NTM: variants seen among roughly 807,000 people sequenced by gnomAD.
NTM encodes the protein IgLON family member 2.
A neutral mutation model predicts 42.1 loss-of-function variants in NTM; 13 were observed. The ratio of observed to expected loss-of-function variants is 0.31; its 90% CI spans 0.20 to 0.49. The LOEUF (loss-of-function observed/expected upper bound fraction) is 0.49, where lower values mean the gene tolerates loss of function less well. NTM is among the 20% of genes least tolerant of loss of function. NTM has a pLI of 0.99. For missense variants in NTM, 373 were observed against 452.8 expected (o/e 0.82, Z 1.60); for synonymous variants, 187 against 179.2 (o/e 1.04, Z -0.35).
intron 4 of NTM, among the ~76,000 whole-genome samples, chr11:132,230,013 A>C (rs550455197): frequency 6.6e-6 from 1 of 152,338 alleles, no homozygotes; most frequent in East Asian, 1.9e-4. Context: ...AAGTCATTTA[A>C]CCTGTACATG....
chr11:132,106,829 G>A (rs1463784550), intron 2 of NTM, among the ~76,000 whole-genome samples: 1 of 152,124 alleles, frequency 6.6e-6, no homozygotes, highest in South Asian at 2.1e-4. Flanking sequence ...CCTGTGAAAA[G>A]CCCAGAGGTG....
chr11:131,777,834 T>C lies in NTM; in HGVS notation c.83-133730T>C, dbSNP rs182828733. Among the ~76,000 whole-genome samples the C allele has an allele frequency of 8.3e-4, 127 of 152,314 alleles. 2 individuals are homozygous for C. Among genetic ancestry groups the C allele is most frequent in the African/African-American group, 2.7e-3 (114 of 41,574 alleles). On this transcript the variant is annotated intron_variant, in intron 1 of 8. Transcript: ENST00000683400. ...CATACATTTCCATAAATAGAAACAC[T>C]GTAGATTTTACATTAATCATAAAGG... is the stretch of plus-strand genomic sequence containing the variant.
intron 1 of NTM, among the ~76,000 whole-genome samples, chr11:131,683,444 G>T (rs2073322974): frequency 6.6e-6 from 1 of 152,226 alleles, no homozygotes; most frequent in African/African-American, 2.4e-5. Flanking sequence ...AATGCAATAG[G>T]CTCCAGAAGG....
intron 1 of NTM, among the ~76,000 whole-genome samples, chr11:131,557,567 C>T (rs2055611798): frequency 6.6e-6 from 1 of 152,164 alleles, no homozygotes; most frequent in South Asian, 2.1e-4. Context: ...ATAAACTTAT[C>T]TTACTTCTAA....
chr11:131,849,101 G>A (rs2045243328), intron 1 of NTM, among the ~76,000 whole-genome samples: 1 of 152,068 alleles, frequency 6.6e-6, no homozygotes, highest in South Asian at 2.1e-4. Flanking sequence ...TCCCTATTTT[G>A]GCTTATCAAT....
At chr11:131,731,156 C>T (rs765770657) in intron 1 of NTM, among the ~76,000 whole-genome samples, 2 of 152,184 alleles carry the variant, frequency 1.3e-5, no homozygotes, top group Admixed American at 6.5e-5. Flanking sequence ...ACCTCCTCCT[C>T]CTCCTCCCGT....
rs556793769 is a variant in NTM, at chr11:132,085,787, T to C, written c.168-60495T>C. The stretch of plus-strand genomic sequence containing the variant: ...GCAAATCTCCTAATTGGATTATTGG[T>C]CTCTGGGTGGTGCCCTTTAAGAGCA... On this transcript the variant is annotated intron_variant, in intron 2 of 8. Transcript: ENST00000683400. Among the ~76,000 whole-genome samples, 17 of 152,274 alleles carry C rather than the reference T, an allele frequency of 1.1e-4. No homozygotes were observed. In the East Asian group the frequency reaches 3.3e-3, roughly 29 times the overall value.
At chr11:131,920,554 G>A (rs183302001) in intron 2 of NTM, among the ~76,000 whole-genome samples, 12 of 152,290 alleles carry the variant, frequency 7.9e-5, no homozygotes, top group East Asian at 1.9e-4. Flanking sequence ...ATGAATAGCC[G>A]TCTTGATCTT....
At chr11:131,468,958 C>G (rs1488526523) in intron 1 of NTM, among the ~76,000 whole-genome samples, 1 of 152,230 alleles carries the variant, frequency 6.6e-6, no homozygotes, top group Non-Finnish European at 1.5e-5. Flanking sequence ...CCATTTAAGG[C>G]AGAACAATTG....
intron 2 of NTM, among the ~76,000 whole-genome samples, chr11:132,029,352 C>T (rs2075627400): frequency 7.7e-6 from 1 of 129,146 alleles, no homozygotes; most frequent in Non-Finnish European, 1.6e-5. Flanking sequence ...CCCCCCACCC[C>T]ACAACAGGCC....
At chr11:132,155,214 A>C (rs1318489506) in intron 3 of NTM, among the ~76,000 whole-genome samples, 3 of 152,196 alleles carry the variant, frequency 2.0e-5, no homozygotes, top group African/African-American at 4.8e-5. Flanking sequence ...ACCTGGAAAA[A>C]TGATCTCCTT....
intron 1 of NTM, among the ~76,000 whole-genome samples, chr11:131,789,636 A>AGAAGAAGAAGAAGAAGAAGAAGAAAAG (rs1555127949): frequency 9.7e-5 from 3 of 30,900 alleles, no homozygotes; most frequent in African/African-American, 1.2e-4. Flanking sequence ...AAGAAGAAGA[A>AGAAGAAGAAGAAGAAGAAGAAGAAAAG]AAGAAGAAGA....
In NTM at chr11:131,382,372, TA is replaced by T. The variant is rs560172869; in HGVS notation, c.82+11491del. On this transcript the variant is annotated intron_variant, in intron 1 of 8. Transcript: ENST00000683400. ...CACATGGACTTGCTGTTTGGGTAAA[TA>T]AAAAAATAATTGAGTATAGGTAATT... Among the ~76,000 whole-genome samples the T allele has an allele frequency of 1.4e-3, 209 of 152,004 alleles. 1 individual carries two copies. Among genetic ancestry groups the T allele is most frequent in the Non-Finnish European group, 2.5e-3 (172 of 67,966 alleles).
intron 1 of NTM, among the ~76,000 whole-genome samples, chr11:131,492,193 G>A (rs1454130983): frequency 6.6e-6 from 1 of 152,170 alleles, no homozygotes; most frequent in Non-Finnish European, 1.5e-5. Context: ...TTTACATACA[G>A]CATCTCACTT....
rs374866637 is a variant in NTM, at chr11:131,485,728, C to T, written c.82+114840C>T. ...GGATCAGATTATTCTCCAACCATCCCGAATGGGAAACTGGGACTTAATTTA... is the reference window on the plus strand; with the variant it reads ...GGATCAGATTATTCTCCAACCATCCTGAATGGGAAACTGGGACTTAATTTA... On this transcript the variant is annotated intron_variant, in intron 1 of 8. Transcript: ENST00000683400. Among the ~76,000 whole-genome samples the T allele has an allele frequency of 1.7e-4, 26 of 152,166 alleles. 1 individual carries two copies. Among genetic ancestry groups the T allele is most frequent in the Admixed American group, 1.5e-3 (23 of 15,288 alleles).
intron 1 of NTM, among the ~76,000 whole-genome samples, chr11:131,394,604 C>A (rs542265061): frequency 1.3e-5 from 2 of 152,142 alleles, no homozygotes; most frequent in Non-Finnish European, 2.9e-5. Context: ...GCTCTGAGTG[C>A]ATTTTCAAAG....
chr11:131,783,420 C>A (rs2088550990), intron 1 of NTM, among the ~76,000 whole-genome samples: 3 of 152,056 alleles, frequency 2.0e-5, no homozygotes, highest in African/African-American at 7.2e-5. Flanking sequence ...ATATGCTCAA[C>A]AAAATTCTAA....
At chr11:131,906,508 T>C (rs2053873827) in intron 1 of NTM, among the ~76,000 whole-genome samples, 1 of 152,124 alleles carries the variant, frequency 6.6e-6, no homozygotes, top group Non-Finnish European at 1.5e-5. Flanking sequence ...CATTCTGTGA[T>C]GTTACGAGTC....
intron 1 of NTM, among the ~76,000 whole-genome samples, chr11:131,731,929 C>CGCTATTG (rs1565479067): frequency 6.6e-6 from 1 of 152,116 alleles, no homozygotes; most frequent in Non-Finnish European, 1.5e-5. Context: ...TATCTGTACA[C>CGCTATTG]GCTATTGTGT....
Sources: allele counts gnomAD v4.1 joint callset (sites outside exome capture counted in the v4.1 genomes callset), GRCh38; gene constraint gnomAD v4.1.1; transcripts MANE v1.5; gene names NCBI Gene and HGNC (gene_info 2026-07-23, HGNC 2026-07-21).